Variants in IMMP2L observed in about 807,000 individuals in gnomAD.
IMMP2L encodes mitochondrial inner membrane protease subunit 2.
In IMMP2L, 18 loss-of-function variants were observed where a neutral mutation model predicts 19.3. The ratio of observed to expected loss-of-function variants is 0.93; its 90% CI spans 0.64 to 1.38. The LOEUF is 1.38. Ranked by LOEUF, IMMP2L falls within the 40% of genes most tolerant of loss-of-function variation. The pLI is 0.00. For missense variants in IMMP2L, 233 were observed against 218.2 expected (o/e 1.07, Z -0.43); for synonymous variants, 76 against 73.0 (o/e 1.04, Z -0.21).
intron 3 of IMMP2L, among the ~76,000 whole-genome samples, chr7:111,352,681 T>C (rs573713014): frequency 4.7e-4 from 72 of 152,092 alleles, no homozygotes; most frequent in Non-Finnish European, 6.9e-4. Flanking sequence ...TTCTCTTCCC[T>C]AAGGTGAGGG....
chr7:111,288,736 T>C (rs1820766793), intron 3 of IMMP2L, among the ~76,000 whole-genome samples: 1 of 152,112 alleles, frequency 6.6e-6, no homozygotes, highest in Admixed American at 6.6e-5. Flanking sequence ...TCACTCCAGT[T>C]AGAATGGCAA....
At chr7:111,372,679 A>G (rs1185372229) in intron 3 of IMMP2L, among the ~76,000 whole-genome samples, 1 of 151,998 alleles carries the variant, frequency 6.6e-6, no homozygotes, top group Non-Finnish European at 1.5e-5. Context: ...TGAGCATGGT[A>G]CAGGATGGCA....
chr7:110,995,127 A>T (rs1822892831), intron 3 of IMMP2L, among the ~76,000 whole-genome samples: 2 of 152,144 alleles, frequency 1.3e-5, no homozygotes, highest in Non-Finnish European at 1.5e-5. Context: ...GTTCATACCA[A>T]GACCGAGAAC....
rs1323693880 is a variant in IMMP2L, at chr7:110,896,627, A to ATT, written c.306-9934_306-9933dup. ...ACATTTTGCCTTTCAAAAATTTTTA[A>ATT]TTTCAAAATACTGAGGTATTTTCGT... On this transcript the variant is annotated intron_variant, in intron 4 of 5. Transcript: ENST00000405709. 3.6e-4 allele frequency among the ~76,000 whole-genome samples: 10 copies of ATT among 27,562 alleles called. 3 individuals carry two copies. The highest frequency in any genetic ancestry group is 1.8e-3 in the African/African-American group (3 of 1,674). 18.1% of individuals were successfully genotyped at this position (27,562 alleles called of 152,430 possible).
chr7:111,538,963 A>T lies in IMMP2L; in HGVS notation c.-2-17514T>A, dbSNP rs185129583. On this transcript the variant is annotated intron_variant, in intron 1 of 5. Coordinates refer to ENST00000405709, the MANE Select transcript of IMMP2L (RefSeq NM_032549.4). ...GGTGAAACCCCGTCTCTACTAAAAA[A>T]ACAAAAATTAGCCAGGTGTGGTGGC... Among the ~76,000 whole-genome samples, 318 of 151,192 alleles carry T rather than the reference A, an allele frequency of 2.1e-3. 3 individuals are homozygous for T. The highest frequency in any genetic ancestry group is 7.3e-3 in the African/African-American group (302 of 41,164).
chr7:111,129,781 G>A (rs892179549), intron 3 of IMMP2L, among the ~76,000 whole-genome samples: 6 of 152,026 alleles, frequency 3.9e-5, no homozygotes, highest in East Asian at 1.9e-4. Flanking sequence ...CTAGATTTAC[G>A]TTATTCTTCT....
intron 2 of IMMP2L, among the ~76,000 whole-genome samples, chr7:111,503,261 C>G (rs544326682): frequency 3.9e-5 from 6 of 152,114 alleles, no homozygotes; most frequent in Non-Finnish European, 7.4e-5. Context: ...CCTCCCAAGA[C>G]TAAACCAGGA....
intron 5 of IMMP2L, among the ~76,000 whole-genome samples, chr7:110,807,629 T>G (rs938128215): frequency 2.0e-5 from 3 of 152,056 alleles, no homozygotes; most frequent in African/African-American, 7.2e-5. Context: ...TAAATATACA[T>G]GAAGACATAT....
At chr7:111,409,211 A>G (rs1345004952) in intron 3 of IMMP2L, among the ~76,000 whole-genome samples, 1 of 151,722 alleles carries the variant, frequency 6.6e-6, no homozygotes, top group Non-Finnish European at 1.5e-5. Context: ...AGTTGAAGAA[A>G]CCATTTCATA....
At chr7:111,017,560 G>C (rs778349213) in intron 3 of IMMP2L, among the ~76,000 whole-genome samples, 5 of 152,124 alleles carry the variant, frequency 3.3e-5, no homozygotes, top group Non-Finnish European at 5.9e-5. Flanking sequence ...CCCAGATATG[G>C]AAATTGTCTG....
At chr7:110,980,098 G>A (rs973495617) in intron 3 of IMMP2L, among the ~76,000 whole-genome samples, 3 of 149,940 alleles carry the variant, frequency 2.0e-5, no homozygotes, top group East Asian at 3.9e-4. Flanking sequence ...CTTTCATTTC[G>A]GAAATTTATG....
In IMMP2L at chr7:110,825,972, T is replaced by A. The variant is rs552329956; in HGVS notation, c.408+60621A>T. Among the ~76,000 whole-genome samples, 56 of 151,974 alleles carry A rather than the reference T, an allele frequency of 3.7e-4. 2 individuals are homozygous for A. The South Asian group carries it at 0.011, about 29-fold the overall frequency. On this transcript the variant is annotated intron_variant, in intron 5 of 5. Transcript: ENST00000405709. ...GGGCTTATATCCAGAATCTAGAAAG[T>A]ACTCAAACAAATTTACAAGAAAAAA...
chr7:110,983,738 A>T (rs1821547796), intron 3 of IMMP2L, among the ~76,000 whole-genome samples: 1 of 152,038 alleles, frequency 6.6e-6, no homozygotes, highest in Admixed American at 6.6e-5. Flanking sequence ...CTCGGTATTG[A>T]GGCTGAATAC....
intron 1 of IMMP2L, among the ~76,000 whole-genome samples, chr7:111,522,544 T>C (rs1846434615): frequency 2.0e-5 from 3 of 151,988 alleles, no homozygotes. Context: ...CCAACAGGTA[T>C]ATGAAAAGAA....
At chr7:111,171,264 AT>A (rs1415345121) in intron 3 of IMMP2L, among the ~76,000 whole-genome samples, 5 of 151,770 alleles carry the variant, frequency 3.3e-5, no homozygotes, top group Non-Finnish European at 7.4e-5. Flanking sequence ...ATACATTTAC[AT>A]TTTAAATTAT....
chr7:110,913,172 C>T (rs985316369), intron 4 of IMMP2L, among the ~76,000 whole-genome samples: 3 of 152,032 alleles, frequency 2.0e-5, no homozygotes, highest in African/African-American at 4.8e-5. Context: ...CAGTTTTCCC[C>T]CTTCTACCCA....
chr7:110,780,009 G>A (rs1032585210), intron 5 of IMMP2L, among the ~76,000 whole-genome samples: 5 of 151,714 alleles, frequency 3.3e-5, no homozygotes, highest in Non-Finnish European at 5.9e-5. Flanking sequence ...GTACTGTCAC[G>A]AACATATCTT....
chr7:111,410,559 A>C (rs1834314827), intron 3 of IMMP2L, among the ~76,000 whole-genome samples: 1 of 151,642 alleles, frequency 6.6e-6, no homozygotes, highest in Non-Finnish European at 1.5e-5. Flanking sequence ...AGGGAGGAAA[A>C]TGTTGCCCAC....
chr7:110,668,334 G>T (rs1791600765), intron 5 of IMMP2L, among the ~76,000 whole-genome samples: 1 of 152,174 alleles, frequency 6.6e-6, no homozygotes, highest in African/African-American at 2.4e-5. Flanking sequence ...TCATATTGCA[G>T]TTTTTATCCA....
Sources: allele counts gnomAD v4.1 joint callset (sites outside exome capture counted in the v4.1 genomes callset), GRCh38; gene constraint gnomAD v4.1.1; transcripts MANE v1.5; gene names NCBI Gene and HGNC (gene_info 2026-07-23, HGNC 2026-07-21).